The following COL19A1 variants were observed in gnomAD, a reference collection of about 807,000 sequenced individuals.
COL19A1 encodes the protein collagen alpha-1(XIX) chain.
COL19A1 carries 159 observed loss-of-function variants against 190.2 expected under a neutral mutation model. The ratio of observed to expected loss-of-function variants is 0.84; its 90% CI spans 0.73 to 0.95. The LOEUF is 0.95. Ranked by LOEUF, COL19A1 falls within the 40% of genes least tolerant of loss-of-function variation. The pLI, the probability that COL19A1 is intolerant of heterozygous loss-of-function variation, is 0.00. For missense variants in COL19A1, 1,418 were observed against 1,431.9 expected (o/e 0.99, Z 0.16); for synonymous variants, 509 against 458.9 (o/e 1.11, Z -1.39).
At chr6:70,029,982 A>G (rs938164285) in intron 12 of COL19A1, among the ~76,000 whole-genome samples, 1 of 152,186 alleles carries the variant, frequency 6.6e-6, no homozygotes, top group African/African-American at 2.4e-5. Context: ...CCTATTTTAT[A>G]GGAAAGCTTA....
At chr6:69,924,766 A>G (rs1772242210) in intron 4 of COL19A1, among the ~76,000 whole-genome samples, 1 of 152,096 alleles carries the variant, frequency 6.6e-6, no homozygotes, top group African/African-American at 2.4e-5. Flanking sequence ...TGACTTTTTA[A>G]TGATTGCCAT....
At chr6:69,895,621 G>A (rs1401378655) in intron 2 of COL19A1, among the ~76,000 whole-genome samples, 1 of 152,224 alleles carries the variant, frequency 6.6e-6, no homozygotes, top group Non-Finnish European at 1.5e-5. Context: ...GGAAGGGCCA[G>A]GGTCCTCCCC....
At chr6:70,182,272 G>A (rs1766222612) in intron 44 of COL19A1, among the ~76,000 whole-genome samples, 1 of 152,176 alleles carries the variant, frequency 6.6e-6, no homozygotes, top group South Asian at 2.1e-4. Context: ...GAAGTGTGAG[G>A]GAAAGAGACC....
chr6:70,183,054 G>A (rs565402532), intron 44 of COL19A1, among the ~76,000 whole-genome samples: 4 of 152,158 alleles, frequency 2.6e-5, no homozygotes, highest in South Asian at 4.2e-4. Context: ...GGAGTGGGGA[G>A]GTGATGCTGA....
rs376193658 is a variant in COL19A1 at position 70,168,750 on chromosome 6, C to T, written c.2568+69C>T. ...TTGTTAAATTTTGAAAGAAAAGCAT[C>T]GGGCAAAATGGCCTGCCTTCTTAGG... On this transcript the variant is annotated intron_variant, in intron 40 of 50. Transcript: ENST00000620364. The T allele has an allele frequency of 5.3e-5, 83 of 1,552,080 alleles. 1 individual carries two copies. The East Asian group carries it at 1.0e-3, about 19-fold the overall frequency.
At position 70,199,603 on chromosome 6, in the gene COL19A1, T is replaced by G; in HGVS notation, c.3095-5T>G. 2 of 1,556,666 alleles carry G rather than the reference T, an allele frequency of 1.3e-6. No individual in the cohort carries two copies. The highest frequency in any genetic ancestry group is 1.7e-6 in the Non-Finnish European group (2 of 1,149,152). Reference sequence around the variant, plus strand: ...GATATATTATTTTTTCTTCTATACATGAAGAGAGGATGGCTGTATTCCTAT... The same window carrying G: ...GATATATTATTTTTTCTTCTATACAGGAAGAGAGGATGGCTGTATTCCTAT... On this transcript the variant is annotated splice_region_variant and splice_polypyrimidine_tract_variant and intron_variant, in intron 48 of 50. Transcript: ENST00000620364.
intron 34 of COL19A1, among the ~76,000 whole-genome samples, chr6:70,158,553 A>T (rs1754022956): frequency 6.6e-6 from 1 of 152,102 alleles, no homozygotes; most frequent in African/African-American, 2.4e-5. Context: ...CATTTTTCAC[A>T]GACGTTGTTG....
chr6:69,936,859 T>A lies in COL19A1; in HGVS notation c.822T>A (p.Tyr274Ter). ...CTCATGCCAGTAAAATGTCTTCATA[T>A]CTGCCAGCAAAGCAGGAACTTAAAG... ...VTAHASKMSS[Y>*]LPAKQELKDQ... Residue 274 changes from tyrosine to a stop codon, truncating the protein, a stop_gained, in exon 8 of 51, where the codon TAT (tyrosine) becomes TAA (stop). Transcript: ENST00000620364. LOFTEE classifies it high-confidence loss of function. 6.2e-7 allele frequency: 1 copy of A among 1,613,194 alleles called. No homozygotes were observed. The highest frequency in any genetic ancestry group is 1.1e-5 in the South Asian group (1 of 91,064).
intron 17 of COL19A1, among the ~76,000 whole-genome samples, chr6:70,129,629 T>C (rs971490462): frequency 6.6e-6 from 1 of 152,184 alleles, no homozygotes; most frequent in Non-Finnish European, 1.5e-5. Context: ...GGCAGGAGGA[T>C]AGCTTGAGCC....
At chr6:70,057,425 G>C (rs1056424949) in intron 14 of COL19A1, among the ~76,000 whole-genome samples, 3 of 151,970 alleles carry the variant, frequency 2.0e-5, no homozygotes, top group Non-Finnish European at 4.4e-5. Context: ...TAATTTAAAA[G>C]ACAAAATTAC....
rs764520627 is a variant in COL19A1, at chr6:69,879,527, C to G, written c.-32-9C>G. On this transcript the variant is annotated splice_polypyrimidine_tract_variant and intron_variant, in intron 1 of 50. Coordinates refer to ENST00000620364, the MANE Select transcript of COL19A1 (RefSeq NM_001858.6). ...AAACTTTATTCAAATTTTTTTTTTTCTGTTGCAGATCCGTGGCCGTTCACA... is the reference window on the plus strand; with the variant it reads ...AAACTTTATTCAAATTTTTTTTTTTGTGTTGCAGATCCGTGGCCGTTCACA... 16 of 1,502,750 alleles carry G rather than the reference C, an allele frequency of 1.1e-5. No homozygotes were observed. In the East Asian group the frequency reaches 1.2e-4, roughly 11 times the overall value. The allele number at this position is 1,502,750 out of a possible 1,614,324, so 93.1% of individuals were successfully genotyped here. A position where few individuals can be genotyped will look rare whatever the true frequency, so the allele number is the denominator to read the frequency against.
At chr6:69,905,047 A>T (rs547526239) in intron 4 of COL19A1, among the ~76,000 whole-genome samples, 144 of 152,124 alleles carry the variant, frequency 9.5e-4, no homozygotes, top group Middle Eastern at 3.4e-3. Flanking sequence ...ATTGGGGCCC[A>T]TCCAAGCAGC....
chr6:69,937,598 G>A (rs890286889), intron 8 of COL19A1, among the ~76,000 whole-genome samples: 13 of 152,142 alleles, frequency 8.5e-5, no homozygotes, highest in African/African-American at 2.2e-4. Flanking sequence ...CTAGAGCAGA[G>A]TGTGCCCTAG....
At chr6:70,041,420 T>C (rs1420830970) in intron 14 of COL19A1, among the ~76,000 whole-genome samples, 1 of 152,142 alleles carries the variant, frequency 6.6e-6, no homozygotes, top group Non-Finnish European at 1.5e-5. Flanking sequence ...CTGATAACCA[T>C]TTTAAAAATA....
intron 2 of COL19A1, among the ~76,000 whole-genome samples, chr6:69,892,740 G>A (rs938330805): frequency 2.6e-5 from 4 of 152,170 alleles, no homozygotes; most frequent in African/African-American, 7.2e-5. Context: ...CACAGGTCAG[G>A]AACCCTGTAC....
At chr6:70,043,517 G>A (rs1290649849) in intron 14 of COL19A1, among the ~76,000 whole-genome samples, 3 of 152,130 alleles carry the variant, frequency 2.0e-5, no homozygotes, top group African/African-American at 7.2e-5. Context: ...TAAATAATAA[G>A]TCTTGAAAGT....
chr6:70,090,307 T>G (rs1782829381), intron 15 of COL19A1, among the ~76,000 whole-genome samples: 1 of 152,194 alleles, frequency 6.6e-6, no homozygotes, highest in South Asian at 2.1e-4. Flanking sequence ...GAAAATATGG[T>G]TACATCTTAC....
chr6:70,137,356 T>A (rs574712258), intron 18 of COL19A1, among the ~76,000 whole-genome samples: 2 of 152,134 alleles, frequency 1.3e-5, no homozygotes, highest in Non-Finnish European at 2.9e-5. Flanking sequence ...ACAAAAAAAA[T>A]TGGTTTTGGC....
chr6:69,942,391 C>G (rs1235431544), intron 9 of COL19A1, among the ~76,000 whole-genome samples: 1 of 152,066 alleles, frequency 6.6e-6, no homozygotes, highest in Non-Finnish European at 1.5e-5. Flanking sequence ...TCAAGATTTT[C>G]TCTTTTAGCT....
Sources: gnomAD v4.1 joint callset for allele counts (sites outside exome capture counted in the v4.1 genomes callset) on GRCh38, gnomAD v4.1.1 for gene constraint, MANE v1.5 for transcripts, NCBI Gene and HGNC (gene_info 2026-07-23, HGNC 2026-07-21) for gene names.